The following ULK4 variants were observed in gnomAD, a reference collection of about 807,000 sequenced individuals.
ULK4 encodes unc-51 like kinase 4, also known as inactive serine/threonine-protein kinase ULK4.
In ULK4, 133 loss-of-function variants were observed where a neutral mutation model predicts 160.6. That is an observed-to-expected ratio of 0.83 (90% CI 0.72 to 0.96). ULK4 has a LOEUF of 0.96. Among genes scored for constraint, ULK4 ranks in the 40% least tolerant of loss-of-function variants. The probability of loss-of-function intolerance (pLI) is 0.00; values close to 1 mark genes in which losing one functional copy is unlikely to be tolerated. For missense variants in ULK4, 1,580 were observed against 1,499.5 expected (o/e 1.05, Z -0.89); for synonymous variants, 534 against 539.8 (o/e 0.99, Z 0.15).
In ULK4 at chr3:41,918,443, A is replaced by G. The variant is rs557898124; in HGVS notation, c.727+14T>C. 1.0e-5 allele frequency: 16 copies of G among 1,541,878 alleles called. No individual in the cohort carries two copies. Among genetic ancestry groups the G allele is most frequent in the African/African-American group, 4.1e-5 (3 of 72,606 alleles). Reference sequence around the variant, plus strand: ...AAAATGTAAATTAATTCCATTTATCATAAGAAATCTTACCTTTCGGAATAG... The same window carrying G: ...AAAATGTAAATTAATTCCATTTATCGTAAGAAATCTTACCTTTCGGAATAG... On this transcript the variant is annotated intron_variant, in intron 7 of 36. Coordinates refer to ENST00000301831, the MANE Select transcript of ULK4 (RefSeq NM_017886.4).
intron 25 of ULK4, among the ~76,000 whole-genome samples, chr3:41,709,746 C>A (rs1308898846): frequency 6.6e-6 from 1 of 152,096 alleles, no homozygotes; most frequent in East Asian, 1.9e-4. Flanking sequence ...AATTATTTCA[C>A]ATAATTCCAA....
chr3:41,392,594 G>A (rs1170108486), intron 35 of ULK4, among the ~76,000 whole-genome samples: 1 of 152,060 alleles, frequency 6.6e-6, no homozygotes, highest in East Asian at 1.9e-4. Context: ...TGCCCTCTCT[G>A]AATCCACCCA....
At chr3:41,538,884 G>A (rs1450835785) in intron 32 of ULK4, among the ~76,000 whole-genome samples, 1 of 151,962 alleles carries the variant, frequency 6.6e-6, no homozygotes, top group Non-Finnish European at 1.5e-5. Flanking sequence ...GTATGCATGA[G>A]TTTTGATAAA....
At chr3:41,948,711 T>A (rs1241896148) in intron 2 of ULK4, among the ~76,000 whole-genome samples, 2 of 111,954 alleles carry the variant, frequency 1.8e-5, no homozygotes, top group African/African-American at 6.5e-5. Flanking sequence ...TTGGCAAAAT[T>A]CAACAACCTT....
chr3:41,744,630 C>A lies in ULK4; in HGVS notation c.2321+9731G>T, dbSNP rs6781433. ...ACAATTATAACTGCAGACTCCAACA[C>A]CCTACTTTCAGAAATTGATAGAAAT... is the stretch of plus-strand genomic sequence containing the variant. On this transcript the variant is annotated intron_variant, in intron 22 of 36. Coordinates refer to ENST00000301831, the MANE Select transcript of ULK4 (RefSeq NM_017886.4). 1.3e-5 allele frequency among the ~76,000 whole-genome samples: 2 copies of A among 151,982 alleles called. 1 individual carries two copies. Among genetic ancestry groups the A allele is most frequent in the African/African-American group, 4.8e-5 (2 of 41,340 alleles).
At chr3:41,279,803 T>A (rs1285781526) in intron 35 of ULK4, among the ~76,000 whole-genome samples, 1 of 152,044 alleles carries the variant, frequency 6.6e-6, no homozygotes, top group Non-Finnish European at 1.5e-5. Flanking sequence ...AATATTAACC[T>A]TAAATGTAAA....
chr3:41,649,114 T>A (rs2034631523), intron 30 of ULK4, among the ~76,000 whole-genome samples: 1 of 149,382 alleles, frequency 6.7e-6, no homozygotes, highest in African/African-American at 2.5e-5. Flanking sequence ...GGTGACAGAG[T>A]GAGACCCTGT....
intron 35 of ULK4, among the ~76,000 whole-genome samples, chr3:41,293,909 T>TGA (rs2079620018): frequency 6.6e-6 from 1 of 152,174 alleles, no homozygotes; most frequent in African/African-American, 2.4e-5. Context: ...AGAGGCAGTT[T>TGA]GAAAGGTGGA....
intron 5 of ULK4, among the ~76,000 whole-genome samples, chr3:41,922,581 T>C (rs1201337495): frequency 8.7e-6 from 1 of 115,106 alleles, no homozygotes; most frequent in African/African-American, 3.5e-5. Flanking sequence ...AGGGTGTTGC[T>C]GGAACACAAA....
chr3:41,736,289 C>T (rs1250452885), intron 22 of ULK4, among the ~76,000 whole-genome samples: 1 of 151,722 alleles, frequency 6.6e-6, no homozygotes, highest in Non-Finnish European at 1.5e-5. Context: ...AATGGTTGAA[C>T]TAGTTTACAG....
chr3:41,745,263 A>G (rs2125885434), intron 22 of ULK4, among the ~76,000 whole-genome samples: 1 of 151,706 alleles, frequency 6.6e-6, no homozygotes, highest in South Asian at 2.1e-4. Flanking sequence ...CTCAATCTCT[A>G]GCAAAACTGG....
intron 31 of ULK4, among the ~76,000 whole-genome samples, chr3:41,597,491 T>C (rs1269979606): frequency 6.6e-6 from 1 of 152,154 alleles, no homozygotes; most frequent in East Asian, 1.9e-4. Context: ...CATCCCAGGT[T>C]GGGTCTTTTA....
chr3:41,822,634 G>C (rs148890422), intron 18 of ULK4, among the ~76,000 whole-genome samples: 3 of 150,732 alleles, frequency 2.0e-5, no homozygotes, highest in South Asian at 2.1e-4. Context: ...GGCCAGGCTC[G>C]TCTCAAACTC....
At chr3:41,764,756 A>G (rs1422137202) in intron 21 of ULK4, among the ~76,000 whole-genome samples, 1 of 152,276 alleles carries the variant, frequency 6.6e-6, no homozygotes, top group Non-Finnish European at 1.5e-5. Flanking sequence ...AACTGCTATG[A>G]TTCAGTTTCT....
At chr3:41,305,411 G>C (rs927006477) in intron 35 of ULK4, among the ~76,000 whole-genome samples, 1 of 152,258 alleles carries the variant, frequency 6.6e-6, no homozygotes. Flanking sequence ...TGGTGGAGAC[G>C]GGGTTTCGCT....
rs778408809 is a variant in ULK4, at chr3:41,615,703, C to T, written c.3086G>A (p.Ser1029Asn). The change falls in exon 31 of 37, where the codon AGC (serine) becomes AAC (asparagine). Residue 1029 changes from serine (S) to asparagine (N), a missense_variant. Ser to Asn is a conservative substitution (Grantham distance 46, BLOSUM62 1). Coordinates refer to ENST00000301831, the MANE Select transcript of ULK4 (RefSeq NM_017886.4). ...TTCAAAAATGAGTGGGATCAGTTTG[C>T]TTTCTTCCACAAGTCTGTTAAAAAC... ...NPTFTRLVEE[S>N]KLIPLIFEVT... The T allele has an allele frequency of 6.2e-7, 1 of 1,613,154 alleles. No homozygotes were observed. Among genetic ancestry groups the T allele is most frequent in the South Asian group, 1.1e-5 (1 of 90,848 alleles).
chr3:41,710,842 G>A (rs1319924662), intron 25 of ULK4, among the ~76,000 whole-genome samples: 2 of 151,966 alleles, frequency 1.3e-5, no homozygotes, highest in Non-Finnish European at 1.5e-5. Flanking sequence ...GGCATTCTAG[G>A]TGGAGTAAAG....
At chr3:41,793,554 T>C (rs2040211916) in intron 20 of ULK4, among the ~76,000 whole-genome samples, 1 of 151,706 alleles carries the variant, frequency 6.6e-6, no homozygotes, top group Admixed American at 6.6e-5. Flanking sequence ...GGGCAGGGGG[T>C]GGACAGAGAA....
At chr3:41,254,204 A>G (rs969482771) in intron 35 of ULK4, among the ~76,000 whole-genome samples, 2 of 152,250 alleles carry the variant, frequency 1.3e-5, no homozygotes, top group East Asian at 3.8e-4. Flanking sequence ...ATATATTGCA[A>G]GAATCCAGGA....
Sources: allele counts gnomAD v4.1 joint callset (sites outside exome capture counted in the v4.1 genomes callset), GRCh38; gene constraint gnomAD v4.1.1; transcripts MANE v1.5; gene names NCBI Gene and HGNC (gene_info 2026-07-23, HGNC 2026-07-21).